FSIP1: variants seen among roughly 807,000 people sequenced by gnomAD.
FSIP1 encodes fibrous sheath interacting protein 1.
In FSIP1, 65 loss-of-function variants were observed where a neutral mutation model predicts 60.9. The ratio of observed to expected loss-of-function variants is 1.07; its 90% confidence interval spans 0.87 to 1.31. The LOEUF (loss-of-function observed/expected upper bound fraction) is 1.31, where lower values mean the gene tolerates loss of function less well. FSIP1 is among the 40% of genes most tolerant of loss of function. The pLI, the probability that FSIP1 is intolerant of heterozygous loss-of-function variation, is 0.00. For synonymous variants in FSIP1, 209 were observed against 221.2 expected, an observed-to-expected ratio of 0.94 and a Z score of 0.49; for missense variants, 675 against 665.5, an observed-to-expected ratio of 1.01 and a Z score of -0.16.
At position 39,706,167 on chromosome 15, in the gene FSIP1, T is replaced by G. The variant is rs145012355; in HGVS notation, c.1188+7277A>C. ...CCTGGGTTTTTTGTTTGGTTGGTTG[T>G]TTGGTTTCCTCGGGCATTATTACTT... On this transcript the variant is annotated intron_variant, in intron 10 of 11. Transcript: ENST00000350221. Among the ~76,000 whole-genome samples the G allele has an allele frequency of 3.2e-3, 491 of 152,320 alleles. 1 individual carries two copies. Among genetic ancestry groups the G allele is most frequent in the Non-Finnish European group, 5.9e-3 (401 of 68,028 alleles).
At chr15:39,682,610 G>A (rs1321595027) in intron 10 of FSIP1, among the ~76,000 whole-genome samples, 2 of 152,166 alleles carry the variant, frequency 1.3e-5, no homozygotes, top group East Asian at 3.8e-4. Flanking sequence ...TAAGAATACA[G>A]AAAACAAAAT....
At chr15:39,615,728 C>CA (rs35259437) in intron 11 of FSIP1, among the ~76,000 whole-genome samples, 6,130 of 119,718 alleles carry the variant, frequency 0.051, 526 homozygotes, top group African/African-American at 0.19. Flanking sequence ...ACTAAAAATA[C>CA]AAAAAAAAAA....
At chr15:39,633,420 T>C (rs1451649506) in intron 10 of FSIP1, among the ~76,000 whole-genome samples, 1 of 152,190 alleles carries the variant, frequency 6.6e-6, no homozygotes, top group Admixed American at 6.5e-5. Context: ...AAACAATTAA[T>C]TAACTTAATC....
chr15:39,726,714 C>T lies in FSIP1; in HGVS notation c.925G>A (p.Gly309Arg). ...TGCTGGGTGACTGCAAGTTCATATC[C>T]TTTTACTGGGACCACCCAGCCAGAC... ...DQSGWVVPVK[G>R]YELAVTQHQQ... Residue 309 changes from glycine (G) to arginine (R), a missense_variant, in exon 9 of 12, where the codon GGA becomes AGA. Transcript: ENST00000350221. The T allele has an allele frequency of 1.2e-6, 2 of 1,614,010 alleles. No individual in the cohort carries two copies. Among genetic ancestry groups the T allele is most frequent in the Non-Finnish European group, 1.7e-6 (2 of 1,179,996 alleles).
At chr15:39,718,125 T>C (rs1261637337) in intron 9 of FSIP1, among the ~76,000 whole-genome samples, 1 of 152,140 alleles carries the variant, frequency 6.6e-6, no homozygotes, top group Non-Finnish European at 1.5e-5. Context: ...TTTAAATCTA[T>C]ATAAATAGTC....
In FSIP1 at chr15:39,713,443, C is replaced by T; in HGVS notation, c.1188+1G>A. 6.3e-7 allele frequency: 1 copy of T among 1,588,448 alleles called. No homozygotes were observed. The highest frequency in any genetic ancestry group is 1.2e-5 in the South Asian group (1 of 85,596). ...AAATTAATTAAAACAAAAAGACTTA[C>T]CACATTTTCCTTCATCATTTTCAGC... On this transcript the variant is annotated splice_donor_variant, in intron 10 of 11. Transcript: ENST00000350221. LOFTEE classifies it high-confidence loss of function.
intron 5 of FSIP1, among the ~76,000 whole-genome samples, chr15:39,754,527 C>A (rs986653725): frequency 7.3e-5 from 11 of 151,604 alleles, no homozygotes; most frequent in African/African-American, 2.4e-4. Flanking sequence ...GAGACCAAAC[C>A]ATTTAATAAT....
intron 5 of FSIP1, among the ~76,000 whole-genome samples, chr15:39,750,793 A>G (rs554471644): frequency 7.6e-4 from 115 of 151,914 alleles, no homozygotes; most frequent in African/African-American, 2.7e-3. Context: ...AAATGAGACT[A>G]CAACAAACTA....
intron 10 of FSIP1, among the ~76,000 whole-genome samples, chr15:39,653,870 C>T (rs1368746042): frequency 6.6e-6 from 1 of 152,330 alleles, no homozygotes; most frequent in East Asian, 1.9e-4. Flanking sequence ...ATTGCCCAGT[C>T]TCAGGTATGC....
rs958054702 is a variant in FSIP1, at chr15:39,773,204, C to T, written c.127-2594G>A. On this transcript the variant is annotated intron_variant, in intron 2 of 11. Coordinates refer to ENST00000350221, the MANE Select transcript of FSIP1 (RefSeq NM_152597.5). The stretch of plus-strand genomic sequence containing the variant: ...TAAAAGACAAATCTGAGCAATAAAA[C>T]TAACTAGCACACCAAGATTTATTAG... Among the ~76,000 whole-genome samples the T allele has an allele frequency of 3.9e-5, 6 of 152,156 alleles. No homozygotes were observed. The South Asian group carries it at 6.2e-4, about 16-fold the overall frequency.
chr15:39,714,972 CAAAAAAAAAA>C (rs34491210), intron 9 of FSIP1, among the ~76,000 whole-genome samples: 2 of 89,574 alleles, frequency 2.2e-5, no homozygotes, highest in Non-Finnish European at 4.1e-5. Context: ...GACTCTGTCT[CAAAAAAAAAA>C]AAAAAAAAAA....
chr15:39,686,845 T>G (rs10520148), intron 10 of FSIP1, among the ~76,000 whole-genome samples: 23,935 of 152,238 alleles, frequency 0.16, 2,066 homozygotes, highest in African/African-American at 0.21. Context: ...TAATGGGCAT[T>G]TCCCTTATTT....
At chr15:39,710,034 G>A (rs1047567230) in intron 10 of FSIP1, among the ~76,000 whole-genome samples, 4 of 152,236 alleles carry the variant, frequency 2.6e-5, no homozygotes, top group African/African-American at 7.2e-5. Flanking sequence ...CAGATTCCCG[G>A]CTGAAATAAT....
At chr15:39,717,827 A>T (rs1292245176) in intron 9 of FSIP1, among the ~76,000 whole-genome samples, 1 of 152,186 alleles carries the variant, frequency 6.6e-6, no homozygotes, top group Non-Finnish European at 1.5e-5. Flanking sequence ...TAATTCTCCC[A>T]ATCCAGGGAT....
intron 10 of FSIP1, among the ~76,000 whole-genome samples, chr15:39,640,783 T>C (rs964824965): frequency 6.6e-6 from 1 of 151,742 alleles, no homozygotes; most frequent in Middle Eastern, 3.4e-3. Flanking sequence ...AGTACAGAAC[T>C]GCCGGTTGGT....
At chr15:39,735,925 T>C (rs1248581091) in intron 8 of FSIP1, among the ~76,000 whole-genome samples, 1 of 152,196 alleles carries the variant, frequency 6.6e-6, no homozygotes, top group Admixed American at 6.5e-5. Context: ...CTCCATATCT[T>C]GTCCCACTGG....
intron 10 of FSIP1, 57 bp downstream of exon 10, chr15:39,713,387 T>G: frequency 4.7e-6 from 7 of 1,504,884 alleles, no homozygotes; most frequent in Non-Finnish European, 6.3e-6. Context: ...GGCAACATAG[T>G]GAGAACCTGC....
intron 5 of FSIP1, among the ~76,000 whole-genome samples, chr15:39,754,423 G>GT (rs1897247679): frequency 6.6e-6 from 1 of 152,012 alleles, no homozygotes; most frequent in Non-Finnish European, 1.5e-5. Flanking sequence ...TTGTTACACA[G>GT]CACTAGATAA....
At chr15:39,641,326 G>A (rs1301455375) in intron 10 of FSIP1, among the ~76,000 whole-genome samples, 1 of 152,078 alleles carries the variant, frequency 6.6e-6, no homozygotes, top group Non-Finnish European at 1.5e-5. Flanking sequence ...CACCACTAGA[G>A]CACAAAAGCA....
Sources: allele counts gnomAD v4.1 joint callset (sites outside exome capture counted in the v4.1 genomes callset), GRCh38; gene constraint gnomAD v4.1.1; transcripts MANE v1.5; gene names NCBI Gene and HGNC (gene_info 2026-07-23, HGNC 2026-07-21).